Variants in LYRM4 observed in about 807,000 individuals in gnomAD.
LYRM4 encodes LYR motif containing 4, also known as LYR motif-containing protein 4.
Under a neutral mutation model 11.7 loss-of-function variants are expected in LYRM4, and 9 were observed. The observed-to-expected ratio is 0.77, with a 90% CI of 0.46 to 1.34. LYRM4 has a LOEUF of 1.34. Ranked by LOEUF, LYRM4 falls within the 40% of genes most tolerant of loss-of-function variation. The pLI is 0.00. For missense variants in LYRM4, 133 were observed against 112.5 expected (o/e 1.18, Z -0.82); for synonymous variants, 42 against 40.4 (o/e 1.04, Z -0.15).
rs1487102699 is a variant in LYRM4, at chr6:5,260,942, G to A, written c.-209C>T. On this transcript the variant is annotated 5_prime_UTR_variant, in exon 1 of 3. Transcript: ENST00000330636. ...CGCGCCGCTTCGGGGGCGGGCGCAG[G>A]CAGGGCTCGGGGCAGCTAAGGGGGC... is the stretch of plus-strand genomic sequence containing the variant. 3 of 1,344,868 alleles carry A rather than the reference G, an allele frequency of 2.2e-6. No homozygotes were observed. The highest frequency in any genetic ancestry group is 3.6e-5 in the Admixed American group (1 of 28,102). 83.3% of individuals were successfully genotyped at this position (1,344,868 alleles called of 1,614,324 possible).
chr6:5,169,644 C>T (rs1408568095), intron 2 of LYRM4, among the ~76,000 whole-genome samples: 1 of 152,122 alleles, frequency 6.6e-6, no homozygotes, highest in African/African-American at 2.4e-5. Flanking sequence ...TACACATTTC[C>T]CCCTTTATTT....
At chr6:5,123,830 C>G (rs948430493) in intron 2 of LYRM4, among the ~76,000 whole-genome samples, 1 of 152,206 alleles carries the variant, frequency 6.6e-6, no homozygotes, top group African/African-American at 2.4e-5. Context: ...TCTGTGGTGA[C>G]AGGCCACCAT....
chr6:5,054,172 G>T, the LYRM4 span: 9 of 943,686 alleles, frequency 9.5e-6, no homozygotes, highest in Non-Finnish European at 1.0e-5. Context: ...CAGGGAGGAA[G>T]AAAAGGGGTG....
chr6:5,146,495 C>A (rs537763306), intron 2 of LYRM4, among the ~76,000 whole-genome samples: 2 of 152,308 alleles, frequency 1.3e-5, no homozygotes, highest in South Asian at 4.1e-4. Flanking sequence ...TACCCCCAGG[C>A]AGGACCTGGA....
chr6:5,092,228 CT>C, the LYRM4 span, among the ~76,000 whole-genome samples: 25 of 152,124 alleles, frequency 1.6e-4, no homozygotes, highest in African/African-American at 5.8e-4. Flanking sequence ...ACTAACAGCC[CT>C]TAAAGGGATT....
At chr6:5,078,408 C>T in the LYRM4 span, among the ~76,000 whole-genome samples, 1 of 152,068 alleles carries the variant, frequency 6.6e-6, no homozygotes, top group African/African-American at 2.4e-5. Flanking sequence ...CTTTCAGCCT[C>T]TAAGACCTGT....
chr6:5,093,935 G>GC, the LYRM4 span, among the ~76,000 whole-genome samples: 1 of 152,220 alleles, frequency 6.6e-6, no homozygotes, highest in Non-Finnish European at 1.5e-5. Flanking sequence ...TAGGGATGCT[G>GC]CCTGTGCAGG....
At chr6:5,257,257 C>A (rs575239029) in intron 1 of LYRM4, among the ~76,000 whole-genome samples, 5 of 152,144 alleles carry the variant, frequency 3.3e-5, no homozygotes, top group Non-Finnish European at 7.3e-5. Flanking sequence ...CACCGCCCCC[C>A]CAACCCCATC....
At chr6:5,189,507 C>T (rs925604997) in intron 2 of LYRM4, among the ~76,000 whole-genome samples, 3 of 152,156 alleles carry the variant, frequency 2.0e-5, no homozygotes, top group Non-Finnish European at 4.4e-5. Flanking sequence ...GCTCTAGCAC[C>T]GCTGTCTGAA....
intron 2 of LYRM4, among the ~76,000 whole-genome samples, chr6:5,213,243 C>T (rs574517139): frequency 3.3e-5 from 5 of 152,316 alleles, no homozygotes; most frequent in South Asian, 2.1e-4. Flanking sequence ...TCCTGCATCT[C>T]GGTTTCTCTA....
At chr6:5,063,680 C>T in the LYRM4 span, among the ~76,000 whole-genome samples, 1 of 152,188 alleles carries the variant, frequency 6.6e-6, no homozygotes, top group East Asian at 1.9e-4. Context: ...TGTGTGGCTT[C>T]CTCCCCCAAC....
At chr6:5,248,366 G>A (rs368119367) in intron 1 of LYRM4, among the ~76,000 whole-genome samples, 52 of 152,304 alleles carry the variant, frequency 3.4e-4, no homozygotes, top group Middle Eastern at 3.4e-3. Context: ...TGTCTTCCGC[G>A]TCTTTTCTAT....
the LYRM4 span, among the ~76,000 whole-genome samples, chr6:5,081,580 T>G: frequency 2.6e-5 from 4 of 152,228 alleles, no homozygotes; most frequent in Non-Finnish European, 4.4e-5. Flanking sequence ...AGCTCAGTCC[T>G]GGGCCCTCTT....
chr6:5,213,457 T>C (rs1393539658), intron 2 of LYRM4, among the ~76,000 whole-genome samples: 4 of 152,198 alleles, frequency 2.6e-5, no homozygotes, highest in African/African-American at 9.7e-5. Context: ...ACTGCCTTTA[T>C]GGCATGCATG....
intron 2 of LYRM4, among the ~76,000 whole-genome samples, chr6:5,155,767 G>A (rs756206598): frequency 1.3e-5 from 2 of 152,188 alleles, no homozygotes; most frequent in African/African-American, 4.8e-5. Context: ...GTTAATGTAC[G>A]GAGGAGCACT....
the LYRM4 span, among the ~76,000 whole-genome samples, chr6:5,049,404 T>C: frequency 6.6e-6 from 1 of 152,206 alleles, no homozygotes; most frequent in Non-Finnish European, 1.5e-5. Context: ...AGTCATGACA[T>C]ACTGTCCTTG....
At chr6:5,086,469 T>G in the LYRM4 span, 3 of 1,537,126 alleles carry the variant, frequency 2.0e-6, no homozygotes, top group Non-Finnish European at 2.6e-6. Context: ...TCCACTTCGC[T>G]GTCTGCTACC....
chr6:5,191,269 A>C lies in LYRM4; in HGVS notation c.207+25349T>G, dbSNP rs571436073. ...TTGGTAAAAAGAGGTTACGATCCCCAAAAGACTAGAAACAGAACATAGGTC... is the reference window on the plus strand; with the variant it reads ...TTGGTAAAAAGAGGTTACGATCCCCCAAAGACTAGAAACAGAACATAGGTC... On this transcript the variant is annotated intron_variant, in intron 2 of 2. Coordinates refer to ENST00000330636, the MANE Select transcript of LYRM4 (RefSeq NM_020408.6). 3.3e-5 allele frequency among the ~76,000 whole-genome samples: 5 copies of C among 152,340 alleles called. No homozygotes were observed. The South Asian group carries it at 1.0e-3, about 32-fold the overall frequency.
At chr6:5,045,226 T>C in the LYRM4 span, among the ~76,000 whole-genome samples, 1 of 152,168 alleles carries the variant, frequency 6.6e-6, no homozygotes, top group Non-Finnish European at 1.5e-5. Flanking sequence ...TGTCCAACCA[T>C]AGATGAGTGG....
Sources: allele counts gnomAD v4.1 joint callset (sites outside exome capture counted in the v4.1 genomes callset), GRCh38; gene constraint gnomAD v4.1.1; transcripts MANE v1.5; gene names NCBI Gene and HGNC (gene_info 2026-07-23, HGNC 2026-07-21).